Variants in C14orf132 observed in about 807,000 individuals in gnomAD.
C14orf132 encodes uncharacterized protein C14orf132.
C14orf132 carries 6 observed loss-of-function variants against 5.8 expected under a neutral mutation model. That is an observed-to-expected ratio of 1.03 (90% CI 0.57 to 2.04). The LOEUF (loss-of-function observed/expected upper bound fraction) is 2.04. C14orf132 is among the 30% of genes most tolerant of loss of function. The pLI is 0.00. For missense variants in C14orf132, 125 were observed against 115.8 expected, an observed-to-expected ratio of 1.08 and a Z score of -0.37; for synonymous variants, 51 against 49.8, an observed-to-expected ratio of 1.02 and a Z score of -0.10.
At chr14:96,059,459 A>G (rs770814145) in intron 1 of C14orf132, among the ~76,000 whole-genome samples, 7 of 152,142 alleles carry the variant, frequency 4.6e-5, no homozygotes, top group Non-Finnish European at 8.8e-5. Flanking sequence ...TTCCCATTCT[A>G]CAGATGAGGA....
intron 1 of C14orf132, among the ~76,000 whole-genome samples, chr14:96,067,004 C>T (rs1457045319): frequency 6.6e-6 from 1 of 152,150 alleles, no homozygotes; most frequent in Non-Finnish European, 1.5e-5. Context: ...GAACATCCCT[C>T]TCTGAGCTCC....
In C14orf132 at chr14:96,077,241, G is replaced by A. The variant is rs577887347; in HGVS notation, c.28-9270G>A. Among the ~76,000 whole-genome samples, 28 of 152,304 alleles carry A rather than the reference G, an allele frequency of 1.8e-4. 1 individual carries two copies. The highest frequency in any genetic ancestry group is 1.8e-3 in the Admixed American group (27 of 15,296). ...TATACCAAGAGAGAAGTGCTGAGGT[G>A]TGATAATTTTGGACTGGATTCTGGG... On this transcript the variant is annotated intron_variant, in intron 1 of 1. Transcript: ENST00000555004.
Position 96,075,684 on chromosome 14 carries a change from A to T in C14orf132, c.28-10827A>T, listed in dbSNP as rs1167533849. Among the ~76,000 whole-genome samples, 5 of 152,106 alleles carry T rather than the reference A, an allele frequency of 3.3e-5. No individual in the cohort carries two copies. The East Asian group carries it at 9.6e-4, about 29-fold the overall frequency. ...TGCTTTTTCTGCATCTACTGATATG[A>T]TTGTTTTGTTTCTTCATAGTTCTGT... is the stretch of plus-strand genomic sequence containing the variant. On this transcript the variant is annotated intron_variant, in intron 1 of 1. Transcript: ENST00000555004.
chr14:96,086,669 G>A lies in C14orf132; in HGVS notation c.186G>A (p.Trp62Ter), dbSNP rs551383899. 9.8e-5 allele frequency: 151 copies of A among 1,536,200 alleles called. 4 individuals are homozygous for A. The South Asian group carries it at 1.2e-3, about 12-fold the overall frequency. The change falls in exon 2 of 2, where the codon TGG becomes TGA. Residue 62 changes from tryptophan (W) to a stop codon, truncating the protein, a stop_gained. Coordinates refer to ENST00000555004, the MANE Select transcript of C14orf132 (RefSeq NM_001252507.3). LOFTEE classifies it high-confidence loss of function. ...PRSSNDAVLL[W>*]IAIIATLGNI... is the part of the protein sequence containing the mutation. Reference sequence around the variant, plus strand: ...CCTCCAACGACGCCGTCTTGCTATGGATTGCCATCATAGCTACGCTGGGGA... The same window carrying A: ...CCTCCAACGACGCCGTCTTGCTATGAATTGCCATCATAGCTACGCTGGGGA...
rs534062830 is a variant in C14orf132 at position 96,079,240 on chromosome 14, C to A, written c.28-7271C>A. Among the ~76,000 whole-genome samples, 313 of 152,294 alleles carry A rather than the reference C, an allele frequency of 2.1e-3. 3 individuals are homozygous for A. Among genetic ancestry groups the A allele is most frequent in the African/African-American group, 6.6e-3 (274 of 41,548 alleles). On this transcript the variant is annotated intron_variant, in intron 1 of 1. Coordinates refer to ENST00000555004, the MANE Select transcript of C14orf132 (RefSeq NM_001252507.3). The stretch of plus-strand genomic sequence containing the variant: ...GCCATAGCACCTTAGGAGGTGGTTC[C>A]TGCTCTTATCTTCATTTTACAGATA...
intron 1 of C14orf132, among the ~76,000 whole-genome samples, chr14:96,042,710 T>G (rs1886727092): frequency 6.6e-6 from 1 of 152,190 alleles, no homozygotes. Flanking sequence ...GCAGTACACG[T>G]GGCTGTATGA....
chr14:96,086,676 A>G lies in C14orf132; in HGVS notation c.193A>G (p.Ile65Val). ...SNDAVLLWIAIIATLGNIVVV... is the reference protein window; with the variant it reads ...SNDAVLLWIAVIATLGNIVVV... ...CGACGCCGTCTTGCTATGGATTGCCATCATAGCTACGCTGGGGAACATCGT... is the reference window on the plus strand; with the variant it reads ...CGACGCCGTCTTGCTATGGATTGCCGTCATAGCTACGCTGGGGAACATCGT... Residue 65 changes from isoleucine to valine, a missense_variant, in exon 2 of 2, where the codon ATC (isoleucine) becomes GTC (valine). Physicochemically the swap from Ile to Val is conservative, Grantham distance 29. Transcript: ENST00000555004. 2.0e-6 allele frequency: 3 copies of G among 1,536,158 alleles called. No homozygotes were observed. The highest frequency in any genetic ancestry group is 1.7e-4 in the Middle Eastern group (1 of 5,990).
At position 96,087,748 on chromosome 14, in the gene C14orf132, A is replaced by T. The variant is rs1390261293; in HGVS notation, c.*1013A>T. Reference sequence around the variant, plus strand: ...TGGGTGCGAGATTGGCAGGCTGCTCAGATACCCGTCCTTTACATTCAGTGT... The same window carrying T: ...TGGGTGCGAGATTGGCAGGCTGCTCTGATACCCGTCCTTTACATTCAGTGT... On this transcript the variant is annotated 3_prime_UTR_variant, in exon 2 of 2. Coordinates refer to ENST00000555004, the MANE Select transcript of C14orf132 (RefSeq NM_001252507.3). 6.6e-6 allele frequency: 1 copy of T among 152,184 alleles called. No homozygotes were observed. The highest frequency in any genetic ancestry group is 1.5e-5 in the Non-Finnish European group (1 of 68,050). 9.4% of individuals were successfully genotyped at this position (152,184 alleles called of 1,614,324 possible). A position where few individuals can be genotyped will look rare whatever the true frequency, so the allele number is the denominator to read the frequency against.
At chr14:96,061,695 C>A (rs936637206) in intron 1 of C14orf132, among the ~76,000 whole-genome samples, 15 of 152,090 alleles carry the variant, frequency 9.9e-5, no homozygotes, top group Non-Finnish European at 2.1e-4. Flanking sequence ...GAGGCTGAGG[C>A]AGAAGGATGG....
chr14:96,086,624 G>A lies in C14orf132; in HGVS notation c.141G>A (p.Gln47=), dbSNP rs61746546. ...ACGCGGCTGCCAATGGCCAGGGCCA[G>A]CCGGAAGATCCTCCTCGGTCCTCCA... ...NVHAAANGQG[Q]PEDPPRSSND... is the part of the protein sequence containing the mutation. The change falls in exon 2 of 2, where the codon CAG becomes CAA. Residue 47 remains glutamine (Q), a synonymous_variant. Transcript: ENST00000555004. The A allele has an allele frequency of 8.3e-3, 12,817 of 1,536,154 alleles. 86 individuals carry two copies. Among genetic ancestry groups the A allele is most frequent in the Non-Finnish European group, 9.1e-3 (10,432 of 1,146,904 alleles).
At chr14:96,040,240 G>T in intron 1 of C14orf132, 1 of 396,772 alleles carries the variant, frequency 2.5e-6, no homozygotes, top group South Asian at 1.3e-4. Flanking sequence ...CTTGGGTGAT[G>T]ATTCTATTTC....
At chr14:96,044,141 G>GGTTGT (rs1345917823) in intron 1 of C14orf132, among the ~76,000 whole-genome samples, 1 of 152,116 alleles carries the variant, frequency 6.6e-6, no homozygotes, top group Non-Finnish European at 1.5e-5. Flanking sequence ...CCATCCAGGC[G>GGTTGT]GTTGTGTTTG....
intron 1 of C14orf132, among the ~76,000 whole-genome samples, chr14:96,050,760 A>G (rs1887003678): frequency 6.6e-6 from 1 of 151,544 alleles, no homozygotes; most frequent in South Asian, 2.1e-4. Context: ...TGTATGGCTC[A>G]TCTTGCCAAT....
intron 1 of C14orf132, among the ~76,000 whole-genome samples, chr14:96,042,309 G>A (rs1016439473): frequency 3.3e-5 from 5 of 152,324 alleles, no homozygotes; most frequent in Middle Eastern, 3.4e-3. Flanking sequence ...TGATTGCTGG[G>A]GTGAGAAGTT....
chr14:96,046,329 T>C (rs1886830732), intron 1 of C14orf132, among the ~76,000 whole-genome samples: 1 of 152,200 alleles, frequency 6.6e-6, no homozygotes, highest in Admixed American at 6.5e-5. Context: ...AACAGGTGTG[T>C]GGGCTGGATT....
chr14:96,047,876 C>G (rs990432235), intron 1 of C14orf132, among the ~76,000 whole-genome samples: 1 of 152,162 alleles, frequency 6.6e-6, no homozygotes, highest in African/African-American at 2.4e-5. Context: ...ACTGACTAAC[C>G]TACGTCGACA....
chr14:96,086,090 T>C (rs1169565651), intron 1 of C14orf132, among the ~76,000 whole-genome samples: 1 of 152,192 alleles, frequency 6.6e-6, no homozygotes, highest in African/African-American at 2.4e-5. Context: ...ATTCTCATTT[T>C]TTATCCTGTT....
intron 1 of C14orf132, 35 bp from the exon 2 acceptor site, chr14:96,086,476 T>C (rs188255144): frequency 6.6e-7 from 1 of 1,523,576 alleles, no homozygotes; most frequent in African/African-American, 1.4e-5. Context: ...CAAGCCCCCA[T>C]GGCCCTGGAT....
Position 96,087,144 on chromosome 14 carries a change from C to T in C14orf132, c.*409C>T, listed in dbSNP as rs1888222034. 9.5e-6 allele frequency: 2 copies of T among 211,014 alleles called. No homozygotes were observed. The highest frequency in any genetic ancestry group is 1.9e-5 in the Non-Finnish European group (2 of 104,820). The allele number at this position is 211,014 out of a possible 1,614,324, so 13.1% of individuals were successfully genotyped here. A position where few individuals can be genotyped will look rare whatever the true frequency, so the allele number is the denominator to read the frequency against. Reference sequence around the variant, plus strand: ...CTTATCGAACCTAGGGCGTGGGGTGCTGGGGCAAGAGCAGCCCTCAGAACT... The same window carrying T: ...CTTATCGAACCTAGGGCGTGGGGTGTTGGGGCAAGAGCAGCCCTCAGAACT... On this transcript the variant is annotated 3_prime_UTR_variant, in exon 2 of 2. Transcript: ENST00000555004.
Sources: gnomAD v4.1 joint callset for allele counts (sites outside exome capture counted in the v4.1 genomes callset) on GRCh38, gnomAD v4.1.1 for gene constraint, MANE v1.5 for transcripts, NCBI Gene and HGNC (gene_info 2026-07-23, HGNC 2026-07-21) for gene names.